Variants in IFNAR1 observed in about 807,000 individuals in gnomAD.
IFNAR1 encodes interferon alpha/beta receptor 1.
Under a neutral mutation model 62.1 loss-of-function variants are expected in IFNAR1, and 47 were observed. That is an observed-to-expected ratio of 0.76 (90% CI 0.60 to 0.97). The LOEUF (loss-of-function observed/expected upper bound fraction) is 0.97, where lower values mean the gene tolerates loss of function less well. Ranked by LOEUF, IFNAR1 falls within the 50% of genes least tolerant of loss-of-function variation. The pLI is 0.00. For missense variants in IFNAR1, 638 were observed against 654.5 expected (o/e 0.97, Z 0.27); for synonymous variants, 219 against 226.9 (o/e 0.97, Z 0.31).
At chr21:33,355,059 C>T (rs560972474) in intron 10 of IFNAR1, among the ~76,000 whole-genome samples, 21 of 152,172 alleles carry the variant, frequency 1.4e-4, no homozygotes, top group South Asian at 1.2e-3. Flanking sequence ...CCCGCCTACC[C>T]CGATGGCACA....
At chr21:33,326,621 G>T (rs2083129376) in intron 1 of IFNAR1, among the ~76,000 whole-genome samples, 1 of 152,176 alleles carries the variant, frequency 6.6e-6, no homozygotes, top group African/African-American at 2.4e-5. Context: ...GATCTGTCAG[G>T]GTAGCCCTTC....
chr21:33,343,789 T>C (rs2083318076), intron 5 of IFNAR1, 113 bp downstream of exon 5: 1 of 643,824 alleles, frequency 1.6e-6, no homozygotes, highest in African/African-American at 1.8e-5. Context: ...GTTAAAAACA[T>C]TGTAACATTT....
At chr21:33,331,198 C>A (rs1415487552) in intron 1 of IFNAR1, among the ~76,000 whole-genome samples, 1 of 152,228 alleles carries the variant, frequency 6.6e-6, no homozygotes, top group African/African-American at 2.4e-5. Flanking sequence ...TGCCCTTGGG[C>A]TAGAGCTGAA....
rs980779519 is a variant in IFNAR1 at position 33,357,686 on chromosome 21, A to C, written c.*2137A>C. ...TAACAGGTGCCCACCACCACACCCC[A>C]CTAATTTTTGTATTTGTATTTTTAG... On this transcript the variant is annotated 3_prime_UTR_variant, in exon 11 of 11. Coordinates refer to ENST00000270139, the MANE Select transcript of IFNAR1 (RefSeq NM_000629.3). 3 of 151,458 alleles carry C rather than the reference A, an allele frequency of 2.0e-5. No homozygotes were observed. The highest frequency in any genetic ancestry group is 7.3e-5 in the African/African-American group (3 of 41,174). 9.4% of individuals were successfully genotyped at this position (151,458 alleles called of 1,614,324 possible). A position where few individuals can be genotyped will look rare whatever the true frequency, so the allele number is the denominator to read the frequency against.
Position 33,353,736 on chromosome 21 carries a change from A to G in IFNAR1, c.1393A>G (p.Asn465Asp). ...YAAKVFLRCI[N>D]YVFFPSLKPS... ...TGCGAAAGTCTTCTTGAGATGCATC[A>G]ATTATGTCTTCTTTCCATCACTTAA... is the stretch of plus-strand genomic sequence containing the variant. Residue 465 changes from asparagine to aspartate, a missense_variant, in exon 10 of 11, where the codon AAT becomes GAT. Asn to Asp is a conservative substitution (Grantham distance 23). Coordinates refer to ENST00000270139, the MANE Select transcript of IFNAR1 (RefSeq NM_000629.3). The G allele has an allele frequency of 6.3e-7, 1 of 1,589,796 alleles. No homozygotes were observed. Among genetic ancestry groups the G allele is most frequent in the Non-Finnish European group, 8.5e-7 (1 of 1,170,450 alleles).
In IFNAR1 at chr21:33,349,536, A is replaced by G; in HGVS notation, c.1136A>G (p.Asn379Ser). The G allele has an allele frequency of 6.3e-7, 1 of 1,596,434 alleles. No homozygotes were observed. Among genetic ancestry groups the G allele is most frequent in the Non-Finnish European group, 8.6e-7 (1 of 1,167,546 alleles). ...ATTATTTTTTGGGAAAACACTTCAAATGCTGAGGTAAAAAGACTGTATAGT... is the reference window on the plus strand; with the variant it reads ...ATTATTTTTTGGGAAAACACTTCAAGTGCTGAGGTAAAAAGACTGTATAGT... The part of the protein sequence containing the change: ...YEIIFWENTS[N>S]AERKIIEKKT... Residue 379 changes from asparagine (N) to serine (S), a missense_variant, in exon 8 of 11, where the codon AAT becomes AGT. By Grantham distance (46) the Asn-to-Ser change is conservative. Transcript: ENST00000270139.
chr21:33,329,469 T>TAA (rs879725788), intron 1 of IFNAR1, among the ~76,000 whole-genome samples: 1 of 143,328 alleles, frequency 7.0e-6, no homozygotes, highest in African/African-American at 2.6e-5. Flanking sequence ...ACATTAAGTT[T>TAA]AAAAAAAAAA....
At chr21:33,351,082 A>G (rs543393384) in intron 8 of IFNAR1, among the ~76,000 whole-genome samples, 2 of 152,368 alleles carry the variant, frequency 1.3e-5, no homozygotes, top group East Asian at 1.9e-4. Flanking sequence ...TAATATATCA[A>G]TAATTGTTAC....
At chr21:33,353,549 T>C in intron 9 of IFNAR1, 89 bp from the exon 10 acceptor site, 1 of 686,114 alleles carries the variant, frequency 1.5e-6, no homozygotes, top group Admixed American at 3.0e-5. Context: ...ATATTTCCTT[T>C]CATATGGCTA....
intron 8 of IFNAR1, among the ~76,000 whole-genome samples, chr21:33,351,992 T>G (rs2123268556): frequency 6.6e-6 from 1 of 152,082 alleles, no homozygotes; most frequent in Admixed American, 6.6e-5. Context: ...CACCGGCTTG[T>G]TAGACATTAT....
At chr21:33,335,770 A>G (rs532179308) in intron 2 of IFNAR1, 123 bp downstream of exon 2, 35 of 749,074 alleles carry the variant, frequency 4.7e-5, no homozygotes, top group Non-Finnish European at 6.6e-5. Context: ...TGTTACGCCT[A>G]TTTTACATAA....
rs777037102 is a variant in IFNAR1 at position 33,325,013 on chromosome 21, C to T, written c.-43C>T. ...GCGATGGCGGCTGAGAGGAGCTGCG[C>T]GTGCGCGAACATGTAACTGGTGGGA... On this transcript the variant is annotated 5_prime_UTR_variant, in exon 1 of 11. Coordinates refer to ENST00000270139, the MANE Select transcript of IFNAR1 (RefSeq NM_000629.3). 4 of 1,539,376 alleles carry T rather than the reference C, an allele frequency of 2.6e-6. No individual in the cohort carries two copies. The highest frequency in any genetic ancestry group is 1.4e-5 in the African/African-American group (1 of 73,406).
chr21:33,352,366 G>A lies in IFNAR1; in HGVS notation c.1144-392G>A, dbSNP rs939898325. On this transcript the variant is annotated intron_variant, in intron 8 of 10. Transcript: ENST00000270139. ...CTCTGTAATCCCAGCACTTTGGGAG[G>A]CCAAGGTGGGTGGATCACTTGAGGC... Among the ~76,000 whole-genome samples, 9 of 152,192 alleles carry A rather than the reference G, an allele frequency of 5.9e-5. No homozygotes were observed. The East Asian group carries it at 1.7e-3, about 29-fold the overall frequency.
chr21:33,331,082 G>A (rs1171944703), intron 1 of IFNAR1, among the ~76,000 whole-genome samples: 4 of 152,246 alleles, frequency 2.6e-5, no homozygotes, highest in Admixed American at 2.0e-4. Context: ...TCTGAACCAC[G>A]CCAGGCTGGT....
chr21:33,355,771 A>T lies in IFNAR1; in HGVS notation c.*222A>T, dbSNP rs2083442073. 4.2e-6 allele frequency: 1 copy of T among 240,372 alleles called. No homozygotes were observed. The highest frequency in any genetic ancestry group is 8.1e-6 in the Non-Finnish European group (1 of 123,780). 14.9% of individuals were successfully genotyped at this position (240,372 alleles called of 1,614,324 possible). ...GGTGGCTCACACCTGTAATCCCAGCACTTTGGGAGGCTGAGGCAGGCAGAT... is the reference window on the plus strand; with the variant it reads ...GGTGGCTCACACCTGTAATCCCAGCTCTTTGGGAGGCTGAGGCAGGCAGAT... On this transcript the variant is annotated 3_prime_UTR_variant, in exon 11 of 11. Coordinates refer to ENST00000270139, the MANE Select transcript of IFNAR1 (RefSeq NM_000629.3).
At chr21:33,343,187 G>C (rs2083310106) in intron 3 of IFNAR1, 81 bp from the exon 4 acceptor site, 1 of 1,201,020 alleles carries the variant, frequency 8.3e-7, no homozygotes, top group Non-Finnish European at 1.2e-6. Flanking sequence ...CACATATTAA[G>C]TGCTCAGAAT....
chr21:33,336,823 T>C (rs895153197), intron 2 of IFNAR1, among the ~76,000 whole-genome samples: 1 of 148,166 alleles, frequency 6.7e-6, no homozygotes, highest in Non-Finnish European at 1.5e-5. Flanking sequence ...CAATCTTGGC[T>C]CACTGCAACC....
chr21:33,351,111 A>ATAC (rs2083393053), intron 8 of IFNAR1, among the ~76,000 whole-genome samples: 1 of 152,216 alleles, frequency 6.6e-6, no homozygotes, highest in Non-Finnish European at 1.5e-5. Context: ...CTCTTATTGA[A>ATAC]TACTTATATG....
At chr21:33,333,699 C>T (rs973342033) in intron 1 of IFNAR1, among the ~76,000 whole-genome samples, 4 of 146,034 alleles carry the variant, frequency 2.7e-5, no homozygotes, top group African/African-American at 1.0e-4. Flanking sequence ...TCTCGGCTCA[C>T]TGCAAGCTCC....
Sources: gnomAD v4.1 joint callset for allele counts (sites outside exome capture counted in the v4.1 genomes callset) on GRCh38, gnomAD v4.1.1 for gene constraint, MANE v1.5 for transcripts, NCBI Gene and HGNC (gene_info 2026-07-23, HGNC 2026-07-21) for gene names.